Variants in EEFSEC observed in about 807,000 individuals in gnomAD.
The protein encoded by EEFSEC is eukaryotic elongation factor, selenocysteine-tRNA specific, also known as selenocysteine-specific elongation factor.
In EEFSEC, 43 loss-of-function variants were observed where a neutral mutation model predicts 42.1. The observed-to-expected ratio is 1.02, with a 90% confidence interval of 0.80 to 1.32. The LOEUF (loss-of-function observed/expected upper bound fraction) is 1.32. Among genes scored for constraint, EEFSEC ranks in the 40% most tolerant of loss-of-function variants. The pLI, the probability that EEFSEC is intolerant of heterozygous loss-of-function variation, is 0.00. For synonymous variants in EEFSEC, 354 were observed against 339.1 expected (o/e 1.04, Z -0.48); for missense variants, 745 against 803.6 (o/e 0.93, Z 0.88).
At chr3:128,219,775 A>G (rs935962959) in intron 1 of EEFSEC, among the ~76,000 whole-genome samples, 7 of 116,790 alleles carry the variant, frequency 6.0e-5, no homozygotes, top group Non-Finnish European at 1.1e-4. Flanking sequence ...TAGACACTAG[A>G]AAAAAAAAAA....
chr3:128,172,491 C>T (rs760304009), intron 1 of EEFSEC, among the ~76,000 whole-genome samples: 2 of 152,160 alleles, frequency 1.3e-5, no homozygotes, highest in Non-Finnish European at 2.9e-5. Flanking sequence ...TAGAGCCAAG[C>T]GCTTGCTGTG....
At chr3:128,410,669 C>G (rs573010673), downstream of EEFSEC, among the ~76,000 whole-genome samples, 8 of 152,292 alleles carry the variant, frequency 5.3e-5, no homozygotes, top group South Asian at 1.5e-3. Flanking sequence ...GAGGGCTGCC[C>G]TGGGGGTGGG....
chr3:128,239,159 A>G (rs1039305862), intron 1 of EEFSEC, among the ~76,000 whole-genome samples: 4 of 151,312 alleles, frequency 2.6e-5, no homozygotes, highest in Non-Finnish European at 2.9e-5. Context: ...TTACCAAGAA[A>G]CCCCGTGAGG....
intron 6 of EEFSEC, among the ~76,000 whole-genome samples, chr3:128,374,425 G>A (rs183280652): frequency 2.0e-5 from 3 of 152,274 alleles, no homozygotes; most frequent in South Asian, 2.1e-4. Flanking sequence ...GAGTCATCCT[G>A]GAGCTTTTCT....
chr3:128,210,983 G>A (rs928564571), intron 1 of EEFSEC, among the ~76,000 whole-genome samples: 1 of 152,220 alleles, frequency 6.6e-6, no homozygotes, highest in Non-Finnish European at 1.5e-5. Context: ...GAAAGGAGTA[G>A]TGGGAAAGCC....
At chr3:128,217,868 G>C (rs1185858877) in intron 1 of EEFSEC, among the ~76,000 whole-genome samples, 1 of 152,114 alleles carries the variant, frequency 6.6e-6, no homozygotes, top group African/African-American at 2.4e-5. Flanking sequence ...TATATTTCAG[G>C]GTTTGTGCCT....
intron 6 of EEFSEC, chr3:128,362,190 C>G (rs571217159): frequency 5.7e-6 from 3 of 524,336 alleles, no homozygotes; most frequent in Non-Finnish European, 1.2e-5. Flanking sequence ...CCACCCTCCC[C>G]TCTGCCTCAG....
intron 2 of EEFSEC, among the ~76,000 whole-genome samples, chr3:128,260,219 C>G (rs2066283889): frequency 6.6e-6 from 1 of 152,156 alleles, no homozygotes; most frequent in Admixed American, 6.5e-5. Flanking sequence ...AAACCAGCTG[C>G]AAATCTTATT....
intron 2 of EEFSEC, among the ~76,000 whole-genome samples, chr3:128,254,977 A>G (rs1483275290): frequency 6.6e-6 from 1 of 152,200 alleles, no homozygotes; most frequent in Non-Finnish European, 1.5e-5. Context: ...GCAGTGACTG[A>G]TGAGAGACAT....
At chr3:128,251,059 G>A (rs1229370274) in intron 2 of EEFSEC, among the ~76,000 whole-genome samples, 3 of 151,818 alleles carry the variant, frequency 2.0e-5, no homozygotes, top group East Asian at 3.9e-4. Flanking sequence ...CATTGCTGGT[G>A]GATAGAAACA....
chr3:128,395,445 C>T lies in EEFSEC; in HGVS notation c.1601-12624C>T, dbSNP rs188896777. Among the ~76,000 whole-genome samples the T allele has an allele frequency of 7.9e-4, 121 of 152,328 alleles. 1 individual carries two copies. Among genetic ancestry groups the T allele is most frequent in the African/African-American group, 2.8e-3 (118 of 41,574 alleles). ...CCTTCCTCCTCCTCCTCTGAATGCCCGGGTGTGACTGTCTGTGGCTCCTTC... is the reference window on the plus strand; with the variant it reads ...CCTTCCTCCTCCTCCTCTGAATGCCTGGGTGTGACTGTCTGTGGCTCCTTC... On this transcript the variant is annotated intron_variant, in intron 6 of 6. Coordinates refer to ENST00000254730, the MANE Select transcript of EEFSEC (RefSeq NM_021937.5).
At chr3:128,154,448 CT>C (rs763398966) in intron 1 of EEFSEC, among the ~76,000 whole-genome samples, 329 of 145,338 alleles carry the variant, frequency 2.3e-3, no homozygotes, top group East Asian at 0.011. Context: ...TTTTCTTTTT[CT>C]TTTTTTTTTT....
intron 4 of EEFSEC, among the ~76,000 whole-genome samples, chr3:128,315,162 G>T (rs1473522178): frequency 6.6e-6 from 1 of 152,200 alleles, no homozygotes; most frequent in Non-Finnish European, 1.5e-5. Flanking sequence ...ATTTATGTCT[G>T]CTGGAACTTA....
intron 4 of EEFSEC, among the ~76,000 whole-genome samples, chr3:128,281,187 T>A (rs956158665): frequency 6.6e-6 from 1 of 152,198 alleles, no homozygotes; most frequent in Non-Finnish European, 1.5e-5. Context: ...AGTCACATAT[T>A]TTAAATGTGG....
intron 1 of EEFSEC, among the ~76,000 whole-genome samples, chr3:128,161,797 G>A (rs918459079): frequency 3.9e-5 from 6 of 152,096 alleles, no homozygotes; most frequent in Non-Finnish European, 8.8e-5. Flanking sequence ...CTCTTGACTC[G>A]TAAATGAAAC....
intron 1 of EEFSEC, among the ~76,000 whole-genome samples, chr3:128,198,209 T>C (rs1341943592): frequency 6.6e-6 from 1 of 152,182 alleles, no homozygotes; most frequent in Non-Finnish European, 1.5e-5. Flanking sequence ...CATTTGAACT[T>C]TGCCAAAACT....
At chr3:128,266,959 C>T (rs1323245567) in intron 4 of EEFSEC, among the ~76,000 whole-genome samples, 1 of 152,130 alleles carries the variant, frequency 6.6e-6, no homozygotes, top group African/African-American at 2.4e-5. Context: ...AGTCTCTGTG[C>T]TTCCTAAGTC....
intron 6 of EEFSEC, among the ~76,000 whole-genome samples, chr3:128,375,562 A>G (rs550387358): frequency 6.6e-6 from 1 of 152,306 alleles, no homozygotes; most frequent in Admixed American, 6.5e-5. Flanking sequence ...CTAGCCCTGC[A>G]GCAGCCCATA....
At chr3:128,293,808 T>C (rs1024120180) in intron 4 of EEFSEC, among the ~76,000 whole-genome samples, 3 of 152,306 alleles carry the variant, frequency 2.0e-5, no homozygotes, top group African/African-American at 7.2e-5. Context: ...TTCTGAGCCT[T>C]AGTTAATTTT....
Sources: gnomAD v4.1 joint callset for allele counts (sites outside exome capture counted in the v4.1 genomes callset) on GRCh38, gnomAD v4.1.1 for gene constraint, MANE v1.5 for transcripts, NCBI Gene and HGNC (gene_info 2026-07-23, HGNC 2026-07-21) for gene names.